The following RBM20 variants were observed in gnomAD, a reference collection of about 807,000 sequenced individuals.
The protein encoded by RBM20 is RNA-binding protein 20.
A neutral mutation model predicts 110.1 loss-of-function variants in RBM20; 51 were observed. The observed-to-expected ratio is 0.46, with a 90% CI of 0.37 to 0.59. The LOEUF (loss-of-function observed/expected upper bound fraction) is 0.59, where lower values mean the gene tolerates loss of function less well. RBM20 is among the 20% of genes least tolerant of loss of function. The probability of loss-of-function intolerance (pLI) is 0.00; values close to 1 mark genes in which losing one functional copy is unlikely to be tolerated. For synonymous variants in RBM20, 589 were observed against 618.2 expected, an observed-to-expected ratio of 0.95 and a Z score of 0.70; for missense variants, 1,512 against 1,574.9, an observed-to-expected ratio of 0.96 and a Z score of 0.68.
intron 1 of RBM20, among the ~76,000 whole-genome samples, chr10:110,688,778 A>G (rs1862542308): frequency 6.6e-6 from 1 of 152,202 alleles, no homozygotes; most frequent in Non-Finnish European, 1.5e-5. Context: ...GTACAATACT[A>G]TTAACAAACT....
chr10:110,717,787 A>G (rs2134925594), intron 1 of RBM20, among the ~76,000 whole-genome samples: 1 of 152,302 alleles, frequency 6.6e-6, no homozygotes, highest in East Asian at 1.9e-4. Context: ...TGTGGCTATC[A>G]GTCATGGAAT....
intron 6 of RBM20, 65 bp from the exon 7 acceptor site, chr10:110,799,722 T>G (rs1257571493): frequency 4.1e-6 from 6 of 1,479,868 alleles, no homozygotes; most frequent in Non-Finnish European, 5.4e-6. Flanking sequence ...AATCATGCCT[T>G]GTGCTGAATC....
Position 110,784,327 on chromosome 10 carries a change from C to T in RBM20, c.1338-14C>T, listed in dbSNP as rs1325623201. On this transcript the variant is annotated splice_polypyrimidine_tract_variant and intron_variant, in intron 3 of 13. Transcript: ENST00000369519. ...CTTATTAAGGAGCCGGTTTCCCTTTCTCGCCCTCTCCAGTGCTGGCATCCG... is the reference window on the plus strand; with the variant it reads ...CTTATTAAGGAGCCGGTTTCCCTTTTTCGCCCTCTCCAGTGCTGGCATCCG... 1.3e-6 allele frequency: 2 copies of T among 1,542,098 alleles called. No homozygotes were observed. The highest frequency in any genetic ancestry group is 2.4e-5 in the South Asian group (2 of 83,834).
At chr10:110,781,933 G>C (rs1844358879) in intron 2 of RBM20, 49 bp downstream of exon 2, 2 of 1,550,752 alleles carry the variant, frequency 1.3e-6, no homozygotes, top group Non-Finnish European at 8.7e-7. Context: ...GCCTGGGCAG[G>C]CCTTTCCCCA....
rs550138775 is a variant in RBM20, at chr10:110,737,177, C to CAAAAAAAAAAAAAAAAAAAAAAAAA, written c.192-43604_192-43603insAAAAAAAAAAAAAAAAAAAAAAAAA. On this transcript the variant is annotated intron_variant, in intron 1 of 13. Transcript: ENST00000369519. ...GGGCAAGAAGAGTGAAACTCTGCCT[C>CAAAAAAAAAAAAAAAAAAAAAAAAA]AAAAAAAAAAAAAAAAAAAACACCC... 8.0e-3 allele frequency among the ~76,000 whole-genome samples: 212 copies of CAAAAAAAAAAAAAAAAAAAAAAAAA among 26,560 alleles called. 29 individuals carry two copies. Among genetic ancestry groups the CAAAAAAAAAAAAAAAAAAAAAAAAA allele is most frequent in the Middle Eastern group, 0.042 (2 of 48 alleles). The allele number at this position is 26,560 out of a possible 152,430, so 17.4% of individuals were successfully genotyped here. A position where few individuals can be genotyped will look rare whatever the true frequency, so the allele number is the denominator to read the frequency against.
chr10:110,720,331 A>G (rs989687438), intron 1 of RBM20, among the ~76,000 whole-genome samples: 9 of 152,200 alleles, frequency 5.9e-5, no homozygotes, highest in Non-Finnish European at 1.0e-4. Context: ...GGCCACCAGC[A>G]GGGGACTAGC....
intron 1 of RBM20, among the ~76,000 whole-genome samples, chr10:110,747,508 C>A (rs1020732401): frequency 6.6e-6 from 1 of 152,290 alleles, no homozygotes; most frequent in Non-Finnish European, 1.5e-5. Flanking sequence ...CCAAGTTTCT[C>A]CCTTATAGTC....
chr10:110,752,582 T>C (rs1843867215), intron 1 of RBM20, among the ~76,000 whole-genome samples: 1 of 152,218 alleles, frequency 6.6e-6, no homozygotes, highest in African/African-American at 2.4e-5. Context: ...GATTTCTGGA[T>C]ATAGATGTAG....
In RBM20 at chr10:110,809,664, C is replaced by T. The variant is rs560971186; in HGVS notation, c.1801-719C>T. Among the ~76,000 whole-genome samples, 6 of 152,194 alleles carry T rather than the reference C, an allele frequency of 3.9e-5. No homozygotes were observed. In the South Asian group the frequency reaches 6.2e-4, roughly 16 times the overall value. ...GCCTACTATTCTCAGCTGTGAAGCC[C>T]GACTCCCAGCTTATGCCACCCTCCT... On this transcript the variant is annotated intron_variant, in intron 7 of 13. Coordinates refer to ENST00000369519, the MANE Select transcript of RBM20 (RefSeq NM_001134363.3).
At chr10:110,833,492 C>CT (rs963905658) in intron 13 of RBM20, among the ~76,000 whole-genome samples, 11 of 151,492 alleles carry the variant, frequency 7.3e-5, no homozygotes, top group African/African-American at 2.7e-4. Flanking sequence ...GTAAACCATC[C>CT]TTATATCAGG....
At chr10:110,784,959 T>C (rs1333394264) in intron 5 of RBM20, 70 bp downstream of exon 5, 2 of 1,049,358 alleles carry the variant, frequency 1.9e-6, no homozygotes, top group Admixed American at 2.2e-5. Context: ...GTTTGTTTAT[T>C]TGAGACAGCC....
intron 7 of RBM20, 120 bp downstream of exon 7, chr10:110,800,038 C>T (rs2135079253): frequency 1.0e-6 from 1 of 960,752 alleles, no homozygotes; most frequent in Non-Finnish European, 1.6e-6. Flanking sequence ...TCAGAAATTA[C>T]ACACTGCCTT....
chr10:110,735,496 T>C (rs901208310), intron 1 of RBM20, among the ~76,000 whole-genome samples: 1 of 152,238 alleles, frequency 6.6e-6, no homozygotes, highest in Non-Finnish European at 1.5e-5. Context: ...TGTTCCATTG[T>C]ATAAATTATT....
chr10:110,833,756 G>T (rs72836954), intron 13 of RBM20, among the ~76,000 whole-genome samples: 1 of 152,212 alleles, frequency 6.6e-6, no homozygotes, highest in Non-Finnish European at 1.5e-5. Flanking sequence ...GTTCTCAAGT[G>T]CATTGGGGTA....
intron 1 of RBM20, among the ~76,000 whole-genome samples, chr10:110,669,758 C>A (rs183339010): frequency 2.3e-4 from 35 of 152,230 alleles, no homozygotes; most frequent in Non-Finnish European, 3.2e-4. Flanking sequence ...GCTTTCCCAG[C>A]CAAACTGACA....
At position 110,839,278 on chromosome 10, in the gene RBM20, C is replaced by T. The variant is rs1200494152; in HGVS notation, c.*3300C>T. On this transcript the variant is annotated 3_prime_UTR_variant, in exon 14 of 14. Coordinates refer to ENST00000369519, the MANE Select transcript of RBM20 (RefSeq NM_001134363.3). ...ATAATTAGATTATACTTGAACTGGA[C>T]CAGAGTTTGTTTTTTGAATTTATGA... The T allele has an allele frequency of 6.6e-6, 1 of 151,966 alleles. No homozygotes were observed. Among genetic ancestry groups the T allele is most frequent in the African/African-American group, 2.4e-5 (1 of 41,342 alleles). The allele number at this position is 151,966 out of a possible 1,614,324, so 9.4% of individuals were successfully genotyped here.
intron 1 of RBM20, among the ~76,000 whole-genome samples, chr10:110,713,452 G>A (rs547249839): frequency 6.6e-6 from 1 of 152,284 alleles, no homozygotes; most frequent in East Asian, 1.9e-4. Flanking sequence ...TTATAACCCT[G>A]ACTAGGATAA....
chr10:110,758,014 C>CTTTTTTTTTTTTTTTTTT lies in RBM20; in HGVS notation c.192-22780_192-22763dup, dbSNP rs760246427. ...AGAAAAGACAGGCAAGATCCTTGTT[C>CTTTTTTTTTTTTTTTTTT]TTTTTTTTTTTTTTTTTTTTTTTTG... On this transcript the variant is annotated intron_variant, in intron 1 of 13. Coordinates refer to ENST00000369519, the MANE Select transcript of RBM20 (RefSeq NM_001134363.3). Among the ~76,000 whole-genome samples the CTTTTTTTTTTTTTTTTTT allele has an allele frequency of 2.5e-5, 2 of 79,906 alleles. 1 individual carries two copies. Among genetic ancestry groups the CTTTTTTTTTTTTTTTTTT allele is most frequent in the African/African-American group, 1.0e-4 (2 of 19,182 alleles). 52.4% of individuals were successfully genotyped at this position (79,906 alleles called of 152,430 possible).
chr10:110,650,577 G>A (rs1236068365), intron 1 of RBM20, among the ~76,000 whole-genome samples: 1 of 152,092 alleles, frequency 6.6e-6, no homozygotes, highest in Non-Finnish European at 1.5e-5. Flanking sequence ...CTTCTTTAAT[G>A]TGGTATTTGC....
Sources: gnomAD v4.1 joint callset for allele counts (sites outside exome capture counted in the v4.1 genomes callset) on GRCh38, gnomAD v4.1.1 for gene constraint, MANE v1.5 for transcripts, NCBI Gene and HGNC (gene_info 2026-07-23, HGNC 2026-07-21) for gene names.